BAZ2A: variants seen among roughly 807,000 people sequenced by gnomAD.
BAZ2A encodes the protein bromodomain adjacent to zinc finger domain 2A, also known as bromodomain adjacent to zinc finger domain protein 2A.
In BAZ2A, 34 loss-of-function variants were observed where a neutral mutation model predicts 199.9. That is an observed-to-expected ratio of 0.17 (90% CI 0.13 to 0.23). The LOEUF (loss-of-function observed/expected upper bound fraction) is 0.23. Among genes scored for constraint, BAZ2A ranks in the 10% least tolerant of loss-of-function variants. The pLI is 1.00. For synonymous variants in BAZ2A, 857 were observed against 883.9 expected (o/e 0.97, Z 0.54); for missense variants, 2,002 against 2,391.1 (o/e 0.84, Z 3.39).
intron 10 of BAZ2A, among the ~76,000 whole-genome samples, chr12:56,609,174 G>A (rs772916284): frequency 2.0e-5 from 3 of 151,896 alleles, no homozygotes; most frequent in Non-Finnish European, 2.9e-5. Flanking sequence ...CACTGTGCCC[G>A]GCCTATTATT....
chr12:56,605,712 C>A, intron 13 of BAZ2A, 118 bp downstream of exon 13: 2 of 1,152,742 alleles, frequency 1.7e-6, no homozygotes, highest in Non-Finnish European at 2.4e-6. Context: ...TGAGCCATGG[C>A]ACCCGGCCTT....
In BAZ2A at chr12:56,630,321, A is replaced by T. The variant is rs1424210303; in HGVS notation, c.-199T>A. On this transcript the variant is annotated 5_prime_UTR_variant, in exon 1 of 29. Coordinates refer to ENST00000549884, the MANE Select transcript of BAZ2A (RefSeq NM_001300905.2). ...GAGGAGCCAACATGGCCGGCGGGGG[A>T]GGAGTGAGTCGGAGCCGGAGGGGGC... 3.1e-6 allele frequency: 3 copies of T among 981,516 alleles called. No individual in the cohort carries two copies. In the African/African-American group the frequency reaches 5.3e-5, roughly 17 times the overall value. The allele number at this position is 981,516 out of a possible 1,614,324, so 60.8% of individuals were successfully genotyped here.
intron 3 of BAZ2A, 24 bp downstream of exon 3, chr12:56,614,990 C>G: frequency 1.3e-6 from 2 of 1,595,442 alleles, no homozygotes; most frequent in South Asian, 2.3e-5. Flanking sequence ...CCTTTCCCCA[C>G]CCAGTTCACC....
intron 14 of BAZ2A, 46 bp from the exon 15 acceptor site, chr12:56,604,845 A>G (rs1334445961): frequency 6.3e-7 from 1 of 1,582,088 alleles, no homozygotes; most frequent in Non-Finnish European, 8.6e-7. Context: ...AAAGATGCAC[A>G]ACCAAGTTGG....
intron 1 of BAZ2A, among the ~76,000 whole-genome samples, chr12:56,627,057 T>C (rs1951118672): frequency 6.6e-6 from 1 of 152,276 alleles, no homozygotes; most frequent in South Asian, 2.1e-4. Flanking sequence ...AGTGTCTATC[T>C]GCTCCCATAC....
In BAZ2A at chr12:56,611,933, C is replaced by T. The variant is rs746896489; in HGVS notation, c.1449G>A (p.Pro483=). The T allele has an allele frequency of 7.4e-6, 12 of 1,611,872 alleles. No individual in the cohort carries two copies. Among genetic ancestry groups the T allele is most frequent in the African/African-American group, 2.7e-5 (2 of 74,814 alleles). ...AVLPAVSLEV[P]LTASVTSPKA... ...TTGGGGATGTCACTGAAGCCGTCAA[C>T]GGGACTTCTAAGGAGACTGCTGGGA... Residue 483 remains proline (P), a synonymous_variant, in exon 6 of 29, where the codon CCG becomes CCA. Transcript: ENST00000549884.
At chr12:56,609,196 C>T (rs745377640) in intron 10 of BAZ2A, among the ~76,000 whole-genome samples, 10 of 151,750 alleles carry the variant, frequency 6.6e-5, no homozygotes, top group Non-Finnish European at 1.5e-4. Flanking sequence ...TTTTTAGAAA[C>T]AGGGCCTTGC....
chr12:56,602,029 C>A lies in BAZ2A; in HGVS notation c.3588G>T (p.Gly1196=). ...ACTTAAGATGCCTAGGTTGCATAGACCCGGGCTTAGTTTTTCGAGGTCGGC... is the reference window on the plus strand; with the variant it reads ...ACTTAAGATGCCTAGGTTGCATAGAACCGGGCTTAGTTTTTCGAGGTCGGC... ...ARGRPRKTKP[G]SMQPRHLKSP... Residue 1196 remains glycine (G), a synonymous_variant, in exon 20 of 29, where the codon GGG becomes GGT. Transcript: ENST00000549884. 6.4e-7 allele frequency: 1 copy of A among 1,554,652 alleles called. No individual in the cohort carries two copies. Among genetic ancestry groups the A allele is most frequent in the Non-Finnish European group, 8.7e-7 (1 of 1,148,508 alleles).
chr12:56,608,382 A>C lies in BAZ2A; in HGVS notation c.2092+1354T>G, dbSNP rs890167361. Among the ~76,000 whole-genome samples the C allele has an allele frequency of 1.2e-4, 19 of 152,086 alleles. No individual in the cohort carries two copies. In the South Asian group the frequency reaches 2.5e-3, roughly 20 times the overall value. ...GTAAGACTCTGTCTCAAAAAAAAAA[A>C]AACAAAATGAGACTTGTTCTAGGTC... is the stretch of plus-strand genomic sequence containing the variant. On this transcript the variant is annotated intron_variant, in intron 10 of 28. Transcript: ENST00000549884.
chr12:56,621,193 G>A (rs1210357293), intron 1 of BAZ2A: 1 of 985,200 alleles, frequency 1.0e-6, no homozygotes, highest in Non-Finnish European at 1.2e-6. Flanking sequence ...ATGGGTCACG[G>A]TTCATTTTTC....
chr12:56,608,496 C>T (rs1950442476), intron 10 of BAZ2A, among the ~76,000 whole-genome samples: 1 of 151,900 alleles, frequency 6.6e-6, no homozygotes, highest in Non-Finnish European at 1.5e-5. Flanking sequence ...CCAGGGTAAA[C>T]ACACTATTTA....
chr12:56,610,451 G>C lies in BAZ2A; in HGVS notation c.1737C>G (p.Gly579=). ...ATTGCTTCATCCTCTTCCCACAGGGGCCATAATACCAGGTCTCCCCCTGCC... is the reference window on the plus strand; with the variant it reads ...ATTGCTTCATCCTCTTCCCACAGGGCCCATAATACCAGGTCTCCCCCTGCC... ...HRWQGETWYY[G]PCGKRMKQFP... Residue 579 remains glycine, a synonymous_variant, in exon 8 of 29, where the codon GGC becomes GGG. Coordinates refer to ENST00000549884, the MANE Select transcript of BAZ2A (RefSeq NM_001300905.2). 1 of 1,613,792 alleles carries C rather than the reference G, an allele frequency of 6.2e-7. No individual in the cohort carries two copies. Among genetic ancestry groups the C allele is most frequent in the Non-Finnish European group, 8.5e-7 (1 of 1,179,824 alleles).
intron 1 of BAZ2A, among the ~76,000 whole-genome samples, chr12:56,620,621 G>A (rs1242988452): frequency 6.6e-6 from 1 of 151,208 alleles, no homozygotes; most frequent in Non-Finnish European, 1.5e-5. Context: ...GTGCAAGGGT[G>A]TGATCTCGGC....
Position 56,613,009 on chromosome 12 carries a change from A to T in BAZ2A, c.1135+6T>A, listed in dbSNP as rs1227032897. The stretch of plus-strand genomic sequence containing the variant: ...GTCTTTCTTTGTCCTACCTACCGTC[A>T]CTTACCTTGCAGGACAGACTCCCCT... On this transcript the variant is annotated splice_donor_region_variant and intron_variant, in intron 5 of 28. Coordinates refer to ENST00000549884, the MANE Select transcript of BAZ2A (RefSeq NM_001300905.2). 1.5e-5 allele frequency: 24 copies of T among 1,607,858 alleles called. No individual in the cohort carries two copies. The highest frequency in any genetic ancestry group is 2.0e-5 in the Non-Finnish European group (23 of 1,175,278).
At chr12:56,614,207 G>T in intron 3 of BAZ2A, 69 bp from the exon 4 acceptor site, 1 of 1,463,144 alleles carries the variant, frequency 6.8e-7, no homozygotes, top group Non-Finnish European at 9.4e-7. Context: ...GCTATACTAG[G>T]CAGTCAATCT....
At chr12:56,616,860 A>G (rs377520325) in intron 2 of BAZ2A, among the ~76,000 whole-genome samples, 17 of 152,190 alleles carry the variant, frequency 1.1e-4, no homozygotes, top group African/African-American at 3.9e-4. Context: ...AAAAGACCCA[A>G]TCCTGGCAGC....
At position 56,612,019 on chromosome 12, in the gene BAZ2A, C is replaced by T. The variant is rs1950572889; in HGVS notation, c.1363G>A (p.Ala455Thr). 2 of 1,613,452 alleles carry T rather than the reference C, an allele frequency of 1.2e-6. No individual in the cohort carries two copies. The highest frequency in any genetic ancestry group is 1.3e-5 in the African/African-American group (1 of 74,804). ...ACTGCTGGAGAGACAACTGTAGAAG[C>T]TGCGGGACAAACTTCTGGAGAGATT... ...PEISPEVCPA[A>T]STVVSPAVFS... Residue 455 changes from alanine to threonine, a missense_variant, in exon 6 of 29, where the codon GCT becomes ACT. Physicochemically the swap from Ala to Thr is moderately conservative, Grantham distance 58. Around this residue, in one of 6 missense-constraint regions of BAZ2A, gnomAD observed 641 missense variants for 694.5 expected, o/e 0.92. Coordinates refer to ENST00000549884, the MANE Select transcript of BAZ2A (RefSeq NM_001300905.2).
At chr12:56,629,977 G>T in intron 1 of BAZ2A, 148 bp downstream of exon 1, 2 of 553,396 alleles carry the variant, frequency 3.6e-6, no homozygotes, top group Non-Finnish European at 4.6e-6. Flanking sequence ...CCTCGCCTCG[G>T]GTTGGATCCT....
At position 56,615,627 on chromosome 12, in the gene BAZ2A, A is replaced by G; in HGVS notation, c.137-20T>C. The G allele has an allele frequency of 6.5e-7, 1 of 1,543,034 alleles. No homozygotes were observed. Among genetic ancestry groups the G allele is most frequent in the Non-Finnish European group, 8.8e-7 (1 of 1,136,936 alleles). ...TCAAACCTGGCAGAGAAAGAAAGAA[A>G]AGGTCAGTTACAGATATGTAGGCAA... On this transcript the variant is annotated intron_variant, in intron 2 of 28. Coordinates refer to ENST00000549884, the MANE Select transcript of BAZ2A (RefSeq NM_001300905.2).
Sources: allele counts gnomAD v4.1 joint callset (sites outside exome capture counted in the v4.1 genomes callset), GRCh38; gene constraint gnomAD v4.1.1; regional missense constraint gnomAD v4.1.1; transcripts MANE v1.5; gene names NCBI Gene and HGNC (gene_info 2026-07-23, HGNC 2026-07-21).